Variants in DLGAP2 observed in about 807,000 individuals in gnomAD.
DLGAP2 encodes DLG associated protein 2.
In DLGAP2, 26 loss-of-function variants were observed where a neutral mutation model predicts 100.3. The observed-to-expected ratio is 0.26, with a 90% CI of 0.19 to 0.36. The LOEUF (loss-of-function observed/expected upper bound fraction) is 0.36, where lower values mean the gene tolerates loss of function less well. Among genes scored for constraint, DLGAP2 ranks in the 10% least tolerant of loss-of-function variants. The probability of loss-of-function intolerance (pLI) is 1.00; values close to 1 mark genes in which losing one functional copy is unlikely to be tolerated. For missense variants in DLGAP2, 1,858 were observed against 1,453.2 expected, an observed-to-expected ratio of 1.28 and a Z score of -4.53; for synonymous variants, 886 against 630.1, an observed-to-expected ratio of 1.41 and a Z score of -6.08.
At chr8:1,602,420 C>G (rs1384784513) in intron 6 of DLGAP2, among the ~76,000 whole-genome samples, 5 of 152,198 alleles carry the variant, frequency 3.3e-5, no homozygotes, top group Admixed American at 3.3e-4. Flanking sequence ...TTAAGAATCT[C>G]CAGCTTTAAC....
intron 1 of DLGAP2, among the ~76,000 whole-genome samples, chr8:892,535 G>T (rs1331871355): frequency 6.6e-6 from 1 of 151,880 alleles, no homozygotes; most frequent in Admixed American, 6.5e-5. Flanking sequence ...GGGGTGCCAG[G>T]GGCTGGGGAG....
chr8:1,249,544 C>T (rs1294629463), intron 2 of DLGAP2, among the ~76,000 whole-genome samples: 13 of 152,242 alleles, frequency 8.5e-5, no homozygotes, highest in Non-Finnish European at 7.4e-5. Context: ...TTGTTAAAAA[C>T]GAAACTAGAA....
rs1314207137 is a variant in DLGAP2 at position 1,543,124 on chromosome 8, T to G, written c.173-5502T>G. Among the ~76,000 whole-genome samples the G allele has an allele frequency of 3.9e-5, 6 of 152,248 alleles. No individual in the cohort carries two copies. In the East Asian group the frequency reaches 1.2e-3, roughly 29 times the overall value. On this transcript the variant is annotated intron_variant, in intron 4 of 14. Transcript: ENST00000637795. ...TCAAGTTCCTTCACAAATACGTGATTTACAAAAATGTTTCCCATTCTGTGG... is the reference window on the plus strand; with the variant it reads ...TCAAGTTCCTTCACAAATACGTGATGTACAAAAATGTTTCCCATTCTGTGG...
At chr8:1,478,294 A>G (rs1440039167) in intron 3 of DLGAP2, among the ~76,000 whole-genome samples, 2 of 152,132 alleles carry the variant, frequency 1.3e-5, no homozygotes, top group African/African-American at 4.8e-5. Flanking sequence ...TTCCTTCAGG[A>G]ATTTGCAGCC....
At chr8:741,577 C>T (rs1336831785) in intron 1 of DLGAP2, among the ~76,000 whole-genome samples, 1 of 152,156 alleles carries the variant, frequency 6.6e-6, no homozygotes, top group Non-Finnish European at 1.5e-5. Context: ...TGTGGGATGT[C>T]AGTTGCCTTA....
chr8:972,371 G>T (rs1800034671), intron 2 of DLGAP2, among the ~76,000 whole-genome samples: 2 of 152,106 alleles, frequency 1.3e-5, no homozygotes, highest in African/African-American at 4.8e-5. Flanking sequence ...TAGTGCTAAG[G>T]GTTCTAATGG....
At chr8:1,253,073 G>A (rs904170288) in intron 2 of DLGAP2, among the ~76,000 whole-genome samples, 4 of 152,154 alleles carry the variant, frequency 2.6e-5, no homozygotes, top group African/African-American at 4.8e-5. Flanking sequence ...GGCAAATGCC[G>A]CCCACGCCCG....
intron 3 of DLGAP2, among the ~76,000 whole-genome samples, chr8:1,273,668 C>G (rs1010379104): frequency 6.6e-6 from 1 of 152,228 alleles, no homozygotes; most frequent in African/African-American, 2.4e-5. Flanking sequence ...CATATTTGGC[C>G]TGAATTTGAA....
chr8:981,836 T>C (rs892336775), intron 2 of DLGAP2, among the ~76,000 whole-genome samples: 3 of 152,240 alleles, frequency 2.0e-5, no homozygotes, highest in African/African-American at 7.2e-5. Flanking sequence ...GATGTTTTGT[T>C]TGAAACTATT....
chr8:1,054,106 C>T (rs189151351), intron 2 of DLGAP2, among the ~76,000 whole-genome samples: 6 of 152,074 alleles, frequency 3.9e-5, no homozygotes, highest in South Asian at 2.1e-4. Flanking sequence ...AGCCTGTGTG[C>T]GGCACCCGGC....
rs55781731 is a variant in DLGAP2, at chr8:785,221, C to CAAAAAAAAAAAA, written c.18+47416_18+47427dup. ...TGGGCGACAGAGCGAGACTCCGCCT[C>CAAAAAAAAAAAA]AAAAAAAAAAAAAAAAAAAAAAAAA... is the stretch of plus-strand genomic sequence containing the variant. On this transcript the variant is annotated intron_variant, in intron 1 of 14. Transcript: ENST00000637795. Among the ~76,000 whole-genome samples the CAAAAAAAAAAAA allele has an allele frequency of 1.5e-4, 9 of 60,832 alleles. 1 individual carries two copies. The highest frequency in any genetic ancestry group is 2.5e-4 in the African/African-American group (3 of 12,102). 39.9% of individuals were successfully genotyped at this position (60,832 alleles called of 152,430 possible).
intron 2 of DLGAP2, among the ~76,000 whole-genome samples, chr8:1,011,944 C>T (rs182730832): frequency 3.0e-4 from 45 of 152,320 alleles, no homozygotes; most frequent in African/African-American, 9.9e-4. Context: ...TCCACCTGGG[C>T]GTGTAGACGG....
chr8:1,171,739 G>A (rs550104999), intron 2 of DLGAP2, among the ~76,000 whole-genome samples: 52 of 151,830 alleles, frequency 3.4e-4, no homozygotes, highest in African/African-American at 1.3e-3. Context: ...TGGCTTGGTA[G>A]ATCTTCCTCC....
chr8:1,139,768 G>T (rs1315272542), intron 2 of DLGAP2, among the ~76,000 whole-genome samples: 1 of 152,096 alleles, frequency 6.6e-6, no homozygotes, highest in Non-Finnish European at 1.5e-5. Context: ...CCTGGCACAG[G>T]GTTTGGGGTC....
At chr8:778,637 C>G (rs1207180928) in intron 1 of DLGAP2, among the ~76,000 whole-genome samples, 1 of 152,182 alleles carries the variant, frequency 6.6e-6, no homozygotes, top group Non-Finnish European at 1.5e-5. Context: ...GGGGGTGCCT[C>G]CCAGTTAGGC....
At chr8:970,292 A>G (rs1313545674) in intron 2 of DLGAP2, among the ~76,000 whole-genome samples, 1 of 152,236 alleles carries the variant, frequency 6.6e-6, no homozygotes, top group Non-Finnish European at 1.5e-5. Flanking sequence ...CAAAGAAATT[A>G]TAGGTGTGTT....
At chr8:1,164,340 G>GC (rs141538072) in intron 2 of DLGAP2, among the ~76,000 whole-genome samples, 1,156 of 53,852 alleles carry the variant, frequency 0.021, 67 homozygotes, top group Non-Finnish European at 0.044. Flanking sequence ...TTTTCTGTGA[G>GC]CCCGCAGGGC....
chr8:1,422,068 G>A (rs1235460296), intron 3 of DLGAP2, among the ~76,000 whole-genome samples: 2 of 152,170 alleles, frequency 1.3e-5, no homozygotes, highest in African/African-American at 4.8e-5. Context: ...AGGCACCGAG[G>A]GCGAGGCTGC....
At chr8:1,629,871 T>C (rs1797600139) in intron 7 of DLGAP2, among the ~76,000 whole-genome samples, 1 of 152,182 alleles carries the variant, frequency 6.6e-6, no homozygotes, top group Non-Finnish European at 1.5e-5. Flanking sequence ...TCGTCCTGTT[T>C]GGGGGTAAAT....
Sources: allele counts gnomAD v4.1 joint callset (sites outside exome capture counted in the v4.1 genomes callset), GRCh38; gene constraint gnomAD v4.1.1; transcripts MANE v1.5; gene names NCBI Gene and HGNC (gene_info 2026-07-23, HGNC 2026-07-21).